The following GPT2 variants were observed in gnomAD, a reference collection of about 807,000 sequenced individuals.
GPT2 encodes the protein alanine aminotransferase 2.
Under a neutral mutation model 56.9 loss-of-function variants are expected in GPT2, and 30 were observed. The ratio of observed to expected loss-of-function variants is 0.53; its 90% CI spans 0.39 to 0.72. The LOEUF (loss-of-function observed/expected upper bound fraction) is 0.72. Ranked by LOEUF, GPT2 falls within the 30% of genes least tolerant of loss-of-function variation. The pLI, the probability that GPT2 is intolerant of heterozygous loss-of-function variation, is 0.00. For synonymous variants in GPT2, 271 were observed against 283.1 expected, an observed-to-expected ratio of 0.96 and a Z score of 0.43; for missense variants, 542 against 703.4, an observed-to-expected ratio of 0.77 and a Z score of 2.60.
chr16:46,901,267 C>G (rs1033106995), intron 4 of GPT2, among the ~76,000 whole-genome samples: 6 of 152,210 alleles, frequency 3.9e-5, no homozygotes, highest in African/African-American at 1.2e-4. Flanking sequence ...CTCTGGCTTT[C>G]TTCAGTCTGA....
chr16:46,925,833 TA>T (rs931015446), intron 10 of GPT2, among the ~76,000 whole-genome samples: 5 of 149,806 alleles, frequency 3.3e-5, no homozygotes, highest in Admixed American at 3.3e-4. Context: ...TAAATAAATT[TA>T]AAAAAAAAGA....
At chr16:46,927,104 A>G (rs1186583187) in intron 11 of GPT2, 67 bp downstream of exon 11, 9 of 1,000,510 alleles carry the variant, frequency 9.0e-6, no homozygotes, top group Admixed American at 2.3e-5. Context: ...ACTTCTTGAC[A>G]TGGAGCAGAG....
At chr16:46,924,568 C>T (rs1961364235) in intron 10 of GPT2, 24 bp downstream of exon 10, 1 of 1,610,068 alleles carries the variant, frequency 6.2e-7, no homozygotes, top group East Asian at 2.2e-5. Flanking sequence ...GCTGGGCTGG[C>T]TCTCTCTTAC....
chr16:46,899,042 T>C (rs1960763149), intron 3 of GPT2, among the ~76,000 whole-genome samples: 1 of 140,774 alleles, frequency 7.1e-6, no homozygotes, highest in Admixed American at 7.2e-5. Flanking sequence ...TATATTTTTT[T>C]TTTTTTAGAG....
intron 11 of GPT2, among the ~76,000 whole-genome samples, chr16:46,927,285 C>T (rs563759197): frequency 1.3e-5 from 2 of 152,342 alleles, no homozygotes; most frequent in East Asian, 1.9e-4. Flanking sequence ...CTGTCTCTCC[C>T]CTCTGCCATC....
intron 6 of GPT2, among the ~76,000 whole-genome samples, chr16:46,910,248 G>T (rs1285250831): frequency 6.6e-6 from 1 of 152,064 alleles, no homozygotes; most frequent in Non-Finnish European, 1.5e-5. Context: ...GGGCATGGTG[G>T]TGTGCGCCTG....
At chr16:46,896,757 G>A (rs1960692743) in intron 2 of GPT2, among the ~76,000 whole-genome samples, 1 of 152,224 alleles carries the variant, frequency 6.6e-6, no homozygotes, top group African/African-American at 2.4e-5. Flanking sequence ...AGGCAGCGGA[G>A]CAGCAGCTGT....
chr16:46,884,705 G>T lies in GPT2; in HGVS notation c.-11G>T, dbSNP rs756390801. 6 of 1,374,802 alleles carry T rather than the reference G, an allele frequency of 4.4e-6. No homozygotes were observed. The highest frequency in any genetic ancestry group is 4.7e-6 in the Non-Finnish European group (5 of 1,062,384). 85.2% of individuals were successfully genotyped at this position (1,374,802 alleles called of 1,614,324 possible). ...TCTTTTTGTGCCAGGGTTTCTCTCC[G>T]CAAGCGCGCGATGCAGCGGGCGGCG... is the stretch of plus-strand genomic sequence containing the variant. On this transcript the variant is annotated 5_prime_UTR_variant, in exon 2 of 12. Coordinates refer to ENST00000340124, the MANE Select transcript of GPT2 (RefSeq NM_133443.4).
chr16:46,916,836 A>C (rs747899228), intron 7 of GPT2, 129 bp downstream of exon 7: 2 of 686,038 alleles, frequency 2.9e-6, no homozygotes, highest in Non-Finnish European at 5.2e-6. Context: ...GCCTAGGGTG[A>C]GGATATTTAG....
Position 46,922,317 on chromosome 16 carries a change from G to A in GPT2, c.1113G>A (p.Leu371=), listed in dbSNP as rs746935511. The change falls in exon 9 of 12, where the codon CTG becomes CTA. Residue 371 remains leucine, a synonymous_variant. Transcript: ENST00000340124. Reference sequence around the variant, plus strand: ...TCAAGGGCCAGCTGGTGAAGCTGCTGTCGGTGCGCCTGTGCCCCCCAGTGT... The same window carrying A: ...TCAAGGGCCAGCTGGTGAAGCTGCTATCGGTGCGCCTGTGCCCCCCAGTGT... ...PEIKGQLVKL[L]SVRLCPPVSG... The A allele has an allele frequency of 2.5e-6, 4 of 1,614,204 alleles. No individual in the cohort carries two copies. The highest frequency in any genetic ancestry group is 1.1e-5 in the South Asian group (1 of 91,082).
chr16:46,893,653 C>T (rs930250393), intron 2 of GPT2, among the ~76,000 whole-genome samples: 3 of 152,248 alleles, frequency 2.0e-5, no homozygotes, highest in South Asian at 2.1e-4. Flanking sequence ...TGAAATATGC[C>T]GTCCCTAGAG....
intron 6 of GPT2, among the ~76,000 whole-genome samples, chr16:46,913,728 A>G (rs1018647291): frequency 6.6e-6 from 1 of 152,206 alleles, no homozygotes; most frequent in African/African-American, 2.4e-5. Flanking sequence ...AAGATACTCT[A>G]TATACTGTTT....
At chr16:46,924,713 G>C (rs1054363104) in intron 10 of GPT2, among the ~76,000 whole-genome samples, 169 bp downstream of exon 10, 6 of 152,248 alleles carry the variant, frequency 3.9e-5, no homozygotes. Flanking sequence ...GGTTCTTGGA[G>C]GCCCAGCTGT....
chr16:46,911,954 A>G (rs1020994960), intron 6 of GPT2, among the ~76,000 whole-genome samples: 1 of 152,144 alleles, frequency 6.6e-6, no homozygotes, highest in Admixed American at 6.5e-5. Context: ...TTTTCTATTA[A>G]TCTGATATAT....
intron 6 of GPT2, among the ~76,000 whole-genome samples, chr16:46,913,562 G>A (rs906490633): frequency 2.6e-5 from 4 of 152,280 alleles, no homozygotes; most frequent in East Asian, 3.9e-4. Flanking sequence ...AAGTTGGTCC[G>A]TTAGTAAAGG....
chr16:46,889,801 TCTTC>T (rs981753395), intron 2 of GPT2, among the ~76,000 whole-genome samples: 24 of 152,350 alleles, frequency 1.6e-4, no homozygotes, highest in Admixed American at 1.6e-3. Flanking sequence ...ACCTGCCAAG[TCTTC>T]CTTCTGAAGC....
chr16:46,921,968 A>G (rs1961295544), intron 8 of GPT2, among the ~76,000 whole-genome samples: 1 of 152,192 alleles, frequency 6.6e-6, no homozygotes, highest in Non-Finnish European at 1.5e-5. Context: ...CTGAAGTGGG[A>G]CTATTGCTTG....
At chr16:46,889,635 C>G (rs1960549722) in intron 2 of GPT2, among the ~76,000 whole-genome samples, 1 of 152,206 alleles carries the variant, frequency 6.6e-6, no homozygotes, top group African/African-American at 2.4e-5. Flanking sequence ...AGTCAGTCAC[C>G]ACACATACGC....
chr16:46,923,350 C>T (rs997886499), intron 9 of GPT2, among the ~76,000 whole-genome samples: 2 of 152,100 alleles, frequency 1.3e-5, no homozygotes, highest in Admixed American at 6.5e-5. Flanking sequence ...CCCAACTACT[C>T]GGGAGGCTGA....
Sources: gnomAD v4.1 joint callset for allele counts (sites outside exome capture counted in the v4.1 genomes callset) on GRCh38, gnomAD v4.1.1 for gene constraint, MANE v1.5 for transcripts, NCBI Gene and HGNC (gene_info 2026-07-23, HGNC 2026-07-21) for gene names.